The following UMAD1 variants were observed in gnomAD, a reference collection of about 807,000 sequenced individuals.
The protein encoded by UMAD1 is UBAP1-MVB12-associated (UMA)-domain containing protein 1.
In UMAD1, 8 loss-of-function variants were observed where a neutral mutation model predicts 6.1. That is an observed-to-expected ratio of 1.30 (90% CI 0.76 to 2.35). UMAD1 has a LOEUF of 2.35. UMAD1 is among the 30% of genes most tolerant of loss of function. UMAD1 has a pLI of 0.00. For missense variants in UMAD1, 130 were observed against 78.4 expected (o/e 1.66, Z -2.49); for synonymous variants, 56 against 31.4 (o/e 1.78, Z -2.61).
chr7:7,718,780 T>C lies in UMAD1; in HGVS notation c.82+45327T>C, dbSNP rs976411404. Among the ~76,000 whole-genome samples the C allele has an allele frequency of 9.9e-4, 150 of 152,190 alleles. 1 individual carries two copies. Among genetic ancestry groups the C allele is most frequent in the Non-Finnish European group, 1.6e-3 (111 of 68,028 alleles). On this transcript the variant is annotated intron_variant, in intron 2 of 3. Coordinates refer to ENST00000682710, the MANE Select transcript of UMAD1 (RefSeq NM_001302348.2). ...ATAGGCAGGAACCTTTCTTTTTTCT[T>C]TCTGACTCTCAGAAGCAATACCAGC...
At chr7:7,741,580 ATAATAATAAT>A (rs1563169722) in intron 2 of UMAD1, among the ~76,000 whole-genome samples, 14 of 92,970 alleles carry the variant, frequency 1.5e-4, no homozygotes, top group African/African-American at 4.8e-4. Context: ...ACGTCTCAAA[ATAATAATAAT>A]AATAATAATA....
intron 2 of UMAD1, among the ~76,000 whole-genome samples, chr7:7,716,793 A>G (rs947367469): frequency 1.3e-5 from 2 of 152,170 alleles, no homozygotes; most frequent in Non-Finnish European, 2.9e-5. Context: ...AAAGCACAAA[A>G]AAATTAGGCG....
chr7:7,667,515 C>A lies in UMAD1; in HGVS notation c.-63-5794C>A, dbSNP rs560650718. On this transcript the variant is annotated intron_variant, in intron 1 of 3. Transcript: ENST00000682710. The stretch of plus-strand genomic sequence containing the variant: ...TCAGAAATATGATGGGCAGAGGTTG[C>A]AGTTTTTTTTCCCTAAATGTAAGTT... Among the ~76,000 whole-genome samples the A allele has an allele frequency of 3.7e-4, 56 of 152,244 alleles. 1 individual carries two copies. The highest frequency in any genetic ancestry group is 2.3e-3 in the Admixed American group (35 of 15,288).
intron 3 of UMAD1, among the ~76,000 whole-genome samples, chr7:7,875,033 C>G (rs1784391170): frequency 6.6e-6 from 1 of 152,170 alleles, no homozygotes. Flanking sequence ...CTTAACCTCC[C>G]AAAGTGCTGG....
At chr7:7,843,384 G>A (rs1041991151) in intron 3 of UMAD1, among the ~76,000 whole-genome samples, 1 of 152,160 alleles carries the variant, frequency 6.6e-6, no homozygotes, top group Non-Finnish European at 1.5e-5. Context: ...GTGAAGAATA[G>A]TAAACCTGTT....
At chr7:7,829,990 A>G (rs890832124) in intron 3 of UMAD1, among the ~76,000 whole-genome samples, 2 of 152,174 alleles carry the variant, frequency 1.3e-5, no homozygotes, top group African/African-American at 4.8e-5. Context: ...TGGATTTACT[A>G]CAGAGTCTTC....
intron 3 of UMAD1, among the ~76,000 whole-genome samples, chr7:7,865,048 T>C (rs1040006767): frequency 2.0e-5 from 3 of 152,198 alleles, no homozygotes; most frequent in African/African-American, 7.2e-5. Flanking sequence ...TCTTGCCCTA[T>C]GCATCTCTTC....
At chr7:7,779,576 G>A (rs896477659) in intron 2 of UMAD1, among the ~76,000 whole-genome samples, 4 of 152,050 alleles carry the variant, frequency 2.6e-5, no homozygotes, top group Admixed American at 6.6e-5. Context: ...GAAATTACAG[G>A]CATGAGCCAC....
rs528626131 is a variant in UMAD1 at position 7,832,873 on chromosome 7, T to C, written c.156+31130T>C. Among the ~76,000 whole-genome samples, 319 of 152,262 alleles carry C rather than the reference T, an allele frequency of 2.1e-3. 7 individuals carry two copies. The South Asian group carries it at 0.061, about 29-fold the overall frequency. ...TTGATTGGAAACATCAGGAGAAGCT[T>C]CTTCGTAGTTGCATTTGAGATAGGA... On this transcript the variant is annotated intron_variant, in intron 3 of 3. Transcript: ENST00000682710.
intron 2 of UMAD1, among the ~76,000 whole-genome samples, chr7:7,698,340 T>TA (rs1474887887): frequency 6.6e-6 from 1 of 152,222 alleles, no homozygotes; most frequent in East Asian, 1.9e-4. Flanking sequence ...ATAAGGTTTA[T>TA]ATAATGGTGC....
intron 2 of UMAD1, among the ~76,000 whole-genome samples, chr7:7,783,435 C>T (rs1782391777): frequency 6.6e-6 from 1 of 151,084 alleles, no homozygotes; most frequent in African/African-American, 2.4e-5. Context: ...TCAGATGCTG[C>T]ACGGTTTGTG....
chr7:7,877,441 A>C lies in UMAD1; in HGVS notation c.317A>C (p.Asp106Ala). 1 of 717,656 alleles carries C rather than the reference A, an allele frequency of 1.4e-6. No homozygotes were observed. The allele number at this position is 717,656 out of a possible 1,614,324, so 44.5% of individuals were successfully genotyped here. The change falls in exon 4 of 4, where the codon GAC becomes GCC. Residue 106 changes from aspartate (D) to alanine (A), a missense_variant. By Grantham distance (126) the Asp-to-Ala change is moderately radical. Coordinates refer to ENST00000682710, the MANE Select transcript of UMAD1 (RefSeq NM_001302348.2). ...HVLAVQGTIT[D>A]LPDHLLSYDG... ...CTGGCAGTACAGGGCACCATCACTG[A>C]CCTTCCCGACCACTTACTCTCCTAT...
At chr7:7,677,965 G>A (rs1036722711) in intron 2 of UMAD1, among the ~76,000 whole-genome samples, 2 of 151,902 alleles carry the variant, frequency 1.3e-5, no homozygotes, top group South Asian at 2.1e-4. Flanking sequence ...GAGCCACCGC[G>A]CCCGGCCTAT....
chr7:7,873,260 C>T (rs1784362125), intron 3 of UMAD1, among the ~76,000 whole-genome samples: 1 of 152,186 alleles, frequency 6.6e-6, no homozygotes, highest in Non-Finnish European at 1.5e-5. Flanking sequence ...ATCTGTGCTC[C>T]TAACCACTTT....
intron 3 of UMAD1, among the ~76,000 whole-genome samples, chr7:7,811,995 C>A (rs376220961): frequency 1.3e-5 from 2 of 152,250 alleles, no homozygotes; most frequent in East Asian, 3.9e-4. Context: ...AAACTTACAG[C>A]CTGCTTCTCA....
At chr7:7,703,224 A>G (rs1200915593) in intron 2 of UMAD1, among the ~76,000 whole-genome samples, 1 of 152,134 alleles carries the variant, frequency 6.6e-6, no homozygotes, top group Non-Finnish European at 1.5e-5. Flanking sequence ...TTTTTTGCTG[A>G]GATTTTAAAA....
intron 2 of UMAD1, among the ~76,000 whole-genome samples, chr7:7,714,542 G>C (rs1323902570): frequency 6.6e-5 from 10 of 152,208 alleles, no homozygotes; most frequent in Admixed American, 6.5e-4. Context: ...GTCAATTTAG[G>C]TGTGGGTGAG....
intron 2 of UMAD1, among the ~76,000 whole-genome samples, chr7:7,709,878 C>A (rs1780708899): frequency 6.6e-6 from 1 of 151,888 alleles, no homozygotes; most frequent in Non-Finnish European, 1.5e-5. Context: ...TTCTTGTTAA[C>A]CTTGAAGTTC....
chr7:7,842,637 A>G (rs1184440793), intron 3 of UMAD1, among the ~76,000 whole-genome samples: 2 of 151,908 alleles, frequency 1.3e-5, no homozygotes, highest in Non-Finnish European at 2.9e-5. Context: ...AAAAACTAAT[A>G]TGGGTATTTC....
Sources: allele counts gnomAD v4.1 joint callset (sites outside exome capture counted in the v4.1 genomes callset), GRCh38; gene constraint gnomAD v4.1.1; transcripts MANE v1.5; gene names NCBI Gene and HGNC (gene_info 2026-07-23, HGNC 2026-07-21).